Variants in TMEM59L observed in about 807,000 individuals in gnomAD.
The protein encoded by TMEM59L is transmembrane protein 59-like.
Under a neutral mutation model 39.6 loss-of-function variants are expected in TMEM59L, and 31 were observed. That is an observed-to-expected ratio of 0.78 (90% CI 0.59 to 1.06). The LOEUF (loss-of-function observed/expected upper bound fraction) is 1.06. Among genes scored for constraint, TMEM59L ranks in the 50% least tolerant of loss-of-function variants. The pLI is 0.00. For missense variants in TMEM59L, 441 were observed against 451.3 expected (o/e 0.98, Z 0.21); for synonymous variants, 219 against 202.9 (o/e 1.08, Z -0.68).
rs1333383736 is a variant in TMEM59L at position 18,620,726 on chromosome 19, G to A, written c.*190G>A. ...GCAGTGCCCCAGCTGGGAAGAGGGCGGGATCGGGCACTGGTTCCTCCTTGT... is the reference window on the plus strand; with the variant it reads ...GCAGTGCCCCAGCTGGGAAGAGGGCAGGATCGGGCACTGGTTCCTCCTTGT... On this transcript the variant is annotated 3_prime_UTR_variant, in exon 8 of 8. Transcript: ENST00000262817. 1.9e-5 allele frequency: 15 copies of A among 782,238 alleles called. No homozygotes were observed. Among genetic ancestry groups the A allele is most frequent in the East Asian group, 6.0e-5 (2 of 33,206 alleles). The allele number at this position is 782,238 out of a possible 1,614,324, so 48.5% of individuals were successfully genotyped here.
At chr19:18,620,279 G>GT (rs1246838137) in intron 7 of TMEM59L, 129 bp from the exon 8 acceptor site, 2 of 888,758 alleles carry the variant, frequency 2.3e-6, no homozygotes, top group Non-Finnish European at 3.3e-6. Context: ...TCCAGCCTGG[G>GT]TGACAGAGAG....
chr19:18,616,884 T>C, intron 4 of TMEM59L, 116 bp from the exon 5 acceptor site: 1 of 755,906 alleles, frequency 1.3e-6, no homozygotes, highest in Non-Finnish European at 2.2e-6. Context: ...CCACCCCTGA[T>C]ACCCAGGGGA....
At chr19:18,615,296 C>T (rs995188941) in intron 3 of TMEM59L, among the ~76,000 whole-genome samples, 1 of 152,182 alleles carries the variant, frequency 6.6e-6, no homozygotes, top group Non-Finnish European at 1.5e-5. Context: ...AGACCTCCGT[C>T]TTGACGCTGT....
At chr19:18,613,686 C>T (rs1183411035) in intron 1 of TMEM59L, among the ~76,000 whole-genome samples, 186 bp from the exon 2 acceptor site, 1 of 152,170 alleles carries the variant, frequency 6.6e-6, no homozygotes, top group Non-Finnish European at 1.5e-5. Context: ...AAGCTCCCTC[C>T]CCATCTCCCT....
In TMEM59L at chr19:18,613,934, G is replaced by C. The variant is rs955910552; in HGVS notation, c.234G>C (p.Glu78Asp). 3 of 1,612,936 alleles carry C rather than the reference G, an allele frequency of 1.9e-6. No homozygotes were observed. The highest frequency in any genetic ancestry group is 1.3e-5 in the African/African-American group (1 of 74,920). Residue 78 changes from glutamate (E) to aspartate (D), a missense_variant, in exon 2 of 8, where the codon GAG (glutamate) becomes GAC (aspartate). Glu to Asp is a conservative substitution (Grantham distance 45). Coordinates refer to ENST00000262817, the MANE Select transcript of TMEM59L (RefSeq NM_012109.3). Reference sequence around the variant, plus strand: ...GAGCCGTTCTGATCAGCGCTTGCGAGCGTGGCTGCCGCCTCTTCTCCATCT... The same window carrying C: ...GAGCCGTTCTGATCAGCGCTTGCGACCGTGGCTGCCGCCTCTTCTCCATCT... ...YDRAVLISAC[E>D]RGCRLFSICR...
Position 18,620,609 on chromosome 19 carries a change from A to G in TMEM59L, c.*73A>G. On this transcript the variant is annotated 3_prime_UTR_variant, in exon 8 of 8. Coordinates refer to ENST00000262817, the MANE Select transcript of TMEM59L (RefSeq NM_012109.3). Reference sequence around the variant, plus strand: ...TCACTTGCCCTGAGCCCAGGAGTCCAAGGGCAGGGTGGGTCCAGCCTTGAG... The same window carrying G: ...TCACTTGCCCTGAGCCCAGGAGTCCGAGGGCAGGGTGGGTCCAGCCTTGAG... The G allele has an allele frequency of 6.4e-7, 1 of 1,554,264 alleles. No individual in the cohort carries two copies. The highest frequency in any genetic ancestry group is 8.7e-7 in the Non-Finnish European group (1 of 1,150,170).
Position 18,612,922 on chromosome 19 carries a change from G to GCTC in TMEM59L, c.-35_-34insCCT. ...GCTGCATCCTCCGTGCCCGGCCTGA[G>GCTC]CTGGAGTCCCCCGCGCCCCCCGCGT... is the stretch of plus-strand genomic sequence containing the variant. On this transcript the variant is annotated 5_prime_UTR_variant, in exon 1 of 8. Coordinates refer to ENST00000262817, the MANE Select transcript of TMEM59L (RefSeq NM_012109.3). The surrounding 1 kb of genome is among the most constrained non-coding windows in gnomAD (Gnocchi z 6.2). The GCTC allele has an allele frequency of 3.1e-6, 4 of 1,282,906 alleles. No individual in the cohort carries two copies. Among genetic ancestry groups the GCTC allele is most frequent in the Non-Finnish European group, 2.9e-6 (3 of 1,018,466 alleles). 79.5% of individuals were successfully genotyped at this position (1,282,906 alleles called of 1,614,324 possible).
In TMEM59L at chr19:18,617,032, G is replaced by T. The variant is rs201571872; in HGVS notation, c.594G>T (p.Gln198His). 13 of 1,612,250 alleles carry T rather than the reference G, an allele frequency of 8.1e-6. No individual in the cohort carries two copies. In the East Asian group the frequency reaches 2.7e-4, roughly 33 times the overall value. ...TQPIVESLGFQGGRLQRVEVT... is the reference protein window; with the variant it reads ...TQPIVESLGFHGGRLQRVEVT... ...CCATAGTGGAGAGCCTCGGCTTCCA[G>T]GGGGGCCGTCTGCAGCGCGTGGAGG... The change falls in exon 5 of 8, where the codon CAG (glutamine) becomes CAT (histidine). Residue 198 changes from glutamine to histidine, a missense_variant. By Grantham distance (24) the Gln-to-His change is conservative. Coordinates refer to ENST00000262817, the MANE Select transcript of TMEM59L (RefSeq NM_012109.3).
intron 7 of TMEM59L, among the ~76,000 whole-genome samples, chr19:18,618,702 A>T (rs56770562): frequency 0.16 from 20,410 of 125,710 alleles, 2,349 homozygotes; most frequent in African/African-American, 0.34. Context: ...ATATATATAT[A>T]TATTTTTTTT....
intron 7 of TMEM59L, among the ~76,000 whole-genome samples, 188 bp downstream of exon 7, chr19:18,618,680 T>TAC (rs1976460506): frequency 2.8e-5 from 4 of 140,926 alleles, no homozygotes; most frequent in African/African-American, 1.0e-4. Context: ...TGTGTATATA[T>TAC]ATATATATAA....
intron 5 of TMEM59L, chr19:18,617,405 T>C (rs1249551556): frequency 5.9e-6 from 3 of 510,196 alleles, no homozygotes; most frequent in Admixed American, 4.5e-5. Flanking sequence ...GTGGCCCACC[T>C]CCCGGGTTCC....
chr19:18,615,690 C>G (rs1600665190), intron 3 of TMEM59L, among the ~76,000 whole-genome samples: 1 of 152,214 alleles, frequency 6.6e-6, no homozygotes, highest in African/African-American at 2.4e-5. Flanking sequence ...TCACTGCAAC[C>G]TCTGCCTCCT....
In TMEM59L at chr19:18,616,999, G is replaced by T; in HGVS notation, c.562-1G>T. 1 of 1,606,268 alleles carries T rather than the reference G, an allele frequency of 6.2e-7. No individual in the cohort carries two copies. On this transcript the variant is annotated splice_acceptor_variant, in intron 4 of 7. Coordinates refer to ENST00000262817, the MANE Select transcript of TMEM59L (RefSeq NM_012109.3). LOFTEE classifies it high-confidence loss of function. ...TCTGTGCTGTCTTGTTCCTGGCCCAGACTCAGCCCATAGTGGAGAGCCTCG... is the reference window on the plus strand; with the variant it reads ...TCTGTGCTGTCTTGTTCCTGGCCCATACTCAGCCCATAGTGGAGAGCCTCG...
At chr19:18,619,803 CA>C (rs1157288604) in intron 7 of TMEM59L, among the ~76,000 whole-genome samples, 149 of 78,932 alleles carry the variant, frequency 1.9e-3, no homozygotes, top group Admixed American at 2.0e-3. Context: ...GACTCCATCT[CA>C]AAAAAAAAAA....
chr19:18,618,532 G>T (rs371476513), intron 7 of TMEM59L, 40 bp downstream of exon 7: 16 of 1,570,322 alleles, frequency 1.0e-5, no homozygotes, highest in Middle Eastern at 4.5e-4. Context: ...CGAGGGAGGG[G>T]GTGAAGGCAG....
At chr19:18,618,532 G>A (rs371476513) in intron 7 of TMEM59L, 40 bp downstream of exon 7, 3 of 1,570,320 alleles carry the variant, frequency 1.9e-6, no homozygotes, top group East Asian at 4.5e-5. Flanking sequence ...CGAGGGAGGG[G>A]GTGAAGGCAG....
At position 18,612,953 on chromosome 19, in the gene TMEM59L, C is replaced by G; in HGVS notation, c.-6C>G. 7.7e-7 allele frequency: 1 copy of G among 1,303,390 alleles called. No individual in the cohort carries two copies. The highest frequency in any genetic ancestry group is 9.7e-7 in the Non-Finnish European group (1 of 1,030,458). The allele number at this position is 1,303,390 out of a possible 1,614,324, so 80.7% of individuals were successfully genotyped here. A position where few individuals can be genotyped will look rare whatever the true frequency, so the allele number is the denominator to read the frequency against. On this transcript the variant is annotated 5_prime_UTR_variant, in exon 1 of 8. Coordinates refer to ENST00000262817, the MANE Select transcript of TMEM59L (RefSeq NM_012109.3). The surrounding 1 kb of genome is among the most constrained non-coding windows in gnomAD (Gnocchi z 6.2). ...GTCCCCCGCGCCCCCCGCGTTCCGCCCGGCCATGGCTGCGGTGGCGCTGAT... is the reference window on the plus strand; with the variant it reads ...GTCCCCCGCGCCCCCCGCGTTCCGCGCGGCCATGGCTGCGGTGGCGCTGAT...
At position 18,620,530 on chromosome 19, in the gene TMEM59L, G is replaced by C. The variant is rs987804644; in HGVS notation, c.1023G>C (p.Lys341Asn). The change falls in exon 8 of 8, where the codon AAG becomes AAC. Residue 341 changes from lysine to asparagine, a missense_variant. Coordinates refer to ENST00000262817, the MANE Select transcript of TMEM59L (RefSeq NM_012109.3). ...ACAAGCTGAAGCTGGACCTGACCAA[G>C]CTGTAGGCCTCCACTGGCCCCATCA... ...PPYKLKLDLT[K>N]L The C allele has an allele frequency of 6.2e-7, 1 of 1,613,400 alleles. No individual in the cohort carries two copies. Among genetic ancestry groups the C allele is most frequent in the Non-Finnish European group, 8.5e-7 (1 of 1,179,910 alleles).
intron 3 of TMEM59L, 126 bp from the exon 4 acceptor site, chr19:18,615,849 C>T (rs919792180): frequency 6.6e-6 from 8 of 1,206,992 alleles, no homozygotes; most frequent in Admixed American, 2.3e-5. Flanking sequence ...CTCAAGTGAT[C>T]GGCCTGCCTC....
Sources: gnomAD v4.1 joint callset for allele counts (sites outside exome capture counted in the v4.1 genomes callset) on GRCh38, gnomAD v4.1.1 for gene constraint, Gnocchi (gnomAD v3.1) non-coding constraint, MANE v1.5 for transcripts, NCBI Gene and HGNC (gene_info 2026-07-23, HGNC 2026-07-21) for gene names.